LRRC4C: variants seen among roughly 807,000 people sequenced by gnomAD.
LRRC4C encodes leucine-rich repeat-containing protein 4C.
A neutral mutation model predicts 33.6 loss-of-function variants in LRRC4C; 5 were observed. That is an observed-to-expected ratio of 0.15 (90% CI 0.08 to 0.31). The LOEUF is 0.31. Among genes scored for constraint, LRRC4C ranks in the 10% least tolerant of loss-of-function variants. The pLI is 1.00. For synonymous variants in LRRC4C, 329 were observed against 302.0 expected (o/e 1.09, Z -0.93); for missense variants, 560 against 796.7 (o/e 0.70, Z 3.58).
At chr11:40,165,130 A>G (rs1262058902) in intron 5 of LRRC4C, among the ~76,000 whole-genome samples, 1 of 152,236 alleles carries the variant, frequency 6.6e-6, no homozygotes, top group East Asian at 1.9e-4. Flanking sequence ...AATATGACAT[A>G]CAACTAGGTG....
chr11:41,079,477 G>T (rs1939402264), intron 1 of LRRC4C, among the ~76,000 whole-genome samples: 2 of 152,036 alleles, frequency 1.3e-5, no homozygotes, highest in Admixed American at 1.3e-4. Context: ...AAATCTTTAG[G>T]ACTATCTGCT....
intron 1 of LRRC4C, among the ~76,000 whole-genome samples, chr11:41,282,875 G>C (rs1165771060): frequency 6.6e-6 from 1 of 151,950 alleles, no homozygotes; most frequent in Non-Finnish European, 1.5e-5. Context: ...ATTTTAACTG[G>C]GTTTTAAAAG....
chr11:40,428,156 AT>A (rs147717723), intron 3 of LRRC4C, among the ~76,000 whole-genome samples: 82 of 150,334 alleles, frequency 5.5e-4, no homozygotes, highest in African/African-American at 1.2e-3. Context: ...AATTCTTTAA[AT>A]TTTTTTTTTG....
chr11:40,952,722 C>G (rs909694009), intron 1 of LRRC4C, among the ~76,000 whole-genome samples: 2 of 151,852 alleles, frequency 1.3e-5, no homozygotes, highest in Non-Finnish European at 2.9e-5. Context: ...AATGCTGTTG[C>G]AGCTCTTCAC....
At chr11:41,213,921 G>T (rs969696709) in intron 1 of LRRC4C, among the ~76,000 whole-genome samples, 3 of 152,044 alleles carry the variant, frequency 2.0e-5, no homozygotes, top group Non-Finnish European at 2.9e-5. Context: ...ACCTCCATTT[G>T]TTATTCTCAT....
At chr11:40,161,632 G>A (rs1379344440) in intron 5 of LRRC4C, among the ~76,000 whole-genome samples, 2 of 152,066 alleles carry the variant, frequency 1.3e-5, no homozygotes, top group African/African-American at 2.4e-5. Flanking sequence ...TGTTGTGCCT[G>A]TAGTCCTAAC....
At chr11:41,160,372 CCTCT>C (rs1944415245) in intron 1 of LRRC4C, among the ~76,000 whole-genome samples, 2 of 147,396 alleles carry the variant, frequency 1.4e-5, no homozygotes, top group South Asian at 4.3e-4. Context: ...GTAGCAAGAC[CCTCT>C]TTCTAAAAAA....
intron 1 of LRRC4C, among the ~76,000 whole-genome samples, chr11:40,946,394 G>A (rs942144763): frequency 2.6e-5 from 4 of 152,066 alleles, no homozygotes; most frequent in African/African-American, 4.8e-5. Flanking sequence ...TGTTATAAAC[G>A]TATCAGTGTA....
At chr11:40,698,895 C>T (rs573949672) in intron 2 of LRRC4C, among the ~76,000 whole-genome samples, 1 of 152,172 alleles carries the variant, frequency 6.6e-6, no homozygotes, top group African/African-American at 2.4e-5. Context: ...TGGGGGAAAC[C>T]GCCCCTATGA....
chr11:40,720,035 G>A (rs113632629), intron 2 of LRRC4C, among the ~76,000 whole-genome samples: 11 of 152,158 alleles, frequency 7.2e-5, no homozygotes, highest in South Asian at 2.1e-4. Flanking sequence ...AATTTCAGCC[G>A]TGCCCTTTAT....
chr11:40,461,015 C>T (rs1023571686), intron 3 of LRRC4C, among the ~76,000 whole-genome samples: 4 of 152,132 alleles, frequency 2.6e-5, no homozygotes, highest in Admixed American at 2.0e-4. Flanking sequence ...GTAGGTACAG[C>T]TTTCCAAAAT....
chr11:40,119,710 G>A (rs1341681367), intron 6 of LRRC4C, among the ~76,000 whole-genome samples: 2 of 152,078 alleles, frequency 1.3e-5, no homozygotes, highest in African/African-American at 4.8e-5. Context: ...AACATTTGAG[G>A]CCTTGCTGAT....
chr11:40,606,466 AT>A (rs377173015), intron 3 of LRRC4C, among the ~76,000 whole-genome samples: 7 of 152,072 alleles, frequency 4.6e-5, no homozygotes, highest in Admixed American at 2.0e-4. Flanking sequence ...ACTAGGAGAG[AT>A]TTTTTTTCAA....
rs188538821 is a variant in LRRC4C, at chr11:40,415,752, C to T, written c.-269-96031G>A. Among the ~76,000 whole-genome samples, 16 of 152,186 alleles carry T rather than the reference C, an allele frequency of 1.1e-4. 1 individual carries two copies. The East Asian group carries it at 2.9e-3, about 28-fold the overall frequency. On this transcript the variant is annotated intron_variant, in intron 3 of 6. Transcript: ENST00000528697. The stretch of plus-strand genomic sequence containing the variant: ...TTGAAGCAAAGTGGAGATAGGTTAA[C>T]CCATAGTTCCTTTTCCTTTCAATCT...
chr11:40,613,704 G>T (rs1400326789), intron 3 of LRRC4C, among the ~76,000 whole-genome samples: 1 of 151,744 alleles, frequency 6.6e-6, no homozygotes, highest in Non-Finnish European at 1.5e-5. Context: ...ATCCATCAGA[G>T]AAATCACTAT....
intron 4 of LRRC4C, among the ~76,000 whole-genome samples, chr11:40,277,488 C>T (rs760647206): frequency 1.3e-5 from 2 of 151,798 alleles, no homozygotes; most frequent in African/African-American, 2.4e-5. Context: ...CTATAAAAAG[C>T]GGTGAGGTTA....
intron 1 of LRRC4C, among the ~76,000 whole-genome samples, chr11:41,453,223 A>G (rs1165748277): frequency 6.6e-6 from 1 of 152,180 alleles, no homozygotes; most frequent in African/African-American, 2.4e-5. Flanking sequence ...ACTGCAGTAC[A>G]ATCATGCACA....
intron 3 of LRRC4C, among the ~76,000 whole-genome samples, chr11:40,462,211 T>A (rs1178607535): frequency 6.6e-6 from 1 of 152,056 alleles, no homozygotes; most frequent in Non-Finnish European, 1.5e-5. Context: ...AACTAAACAT[T>A]CTTTCTATTC....
chr11:41,203,467 G>C (rs765946137), intron 1 of LRRC4C, among the ~76,000 whole-genome samples: 3 of 152,126 alleles, frequency 2.0e-5, no homozygotes, highest in Non-Finnish European at 4.4e-5. Flanking sequence ...AAAGCTATTG[G>C]TTTTAGATGA....
Sources: allele counts gnomAD v4.1 joint callset (sites outside exome capture counted in the v4.1 genomes callset), GRCh38; gene constraint gnomAD v4.1.1; transcripts MANE v1.5; gene names NCBI Gene and HGNC (gene_info 2026-07-23, HGNC 2026-07-21).